Variants in CTNNA3 observed in about 807,000 individuals in gnomAD.
CTNNA3 encodes catenin alpha 3, also known as catenin alpha-3.
In CTNNA3, 76 loss-of-function variants were observed where a neutral mutation model predicts 95.7. The ratio of observed to expected loss-of-function variants is 0.79; its 90% CI spans 0.66 to 0.96. The LOEUF (loss-of-function observed/expected upper bound fraction) is 0.96, where lower values mean the gene tolerates loss of function less well. CTNNA3 is among the 40% of genes least tolerant of loss of function. CTNNA3 has a pLI of 0.00. For synonymous variants in CTNNA3, 431 were observed against 374.4 expected, an observed-to-expected ratio of 1.15 and a Z score of -1.74; for missense variants, 1,191 against 1,089.8, an observed-to-expected ratio of 1.09 and a Z score of -1.31.
intron 5 of CTNNA3, among the ~76,000 whole-genome samples, chr10:67,504,435 CAAAAA>C (rs60719599): frequency 6.2e-5 from 1 of 16,160 alleles, no homozygotes; most frequent in Non-Finnish European, 1.2e-4. Context: ...GACTCCATCT[CAAAAA>C]AAAAAAAAAA....
chr10:67,410,857 A>T (rs1258007162), intron 5 of CTNNA3, among the ~76,000 whole-genome samples: 3 of 152,134 alleles, frequency 2.0e-5, no homozygotes, highest in East Asian at 1.9e-4. Context: ...CACAGGGGGA[A>T]CCTGTTCAGC....
At position 67,006,673 on chromosome 10, in the gene CTNNA3, T is replaced by C. The variant is rs187649468; in HGVS notation, c.1047+173644A>G. ...TCATTTAAAACTTGAGTAATTATGATGCCATCAGCACACTATAAGATGTAA... is the reference window on the plus strand; with the variant it reads ...TCATTTAAAACTTGAGTAATTATGACGCCATCAGCACACTATAAGATGTAA... On this transcript the variant is annotated intron_variant, in intron 7 of 17. Transcript: ENST00000433211. Among the ~76,000 whole-genome samples the C allele has an allele frequency of 2.8e-3, 429 of 152,356 alleles. 1 individual carries two copies. Among genetic ancestry groups the C allele is most frequent in the Non-Finnish European group, 4.3e-3 (295 of 68,034 alleles).
intron 15 of CTNNA3, among the ~76,000 whole-genome samples, chr10:66,068,921 G>T (rs2080370622): frequency 6.6e-6 from 1 of 152,014 alleles, no homozygotes; most frequent in African/African-American, 2.4e-5. Context: ...TCCTGATTAT[G>T]CTATAAATCA....
intron 3 of CTNNA3, among the ~76,000 whole-genome samples, chr10:67,551,385 C>G (rs1030019518): frequency 1.3e-5 from 2 of 152,128 alleles, no homozygotes; most frequent in East Asian, 3.9e-4. Flanking sequence ...AAACCATCTC[C>G]TTTCTGTCTC....
chr10:67,244,322 A>T (rs1589078452), intron 5 of CTNNA3, among the ~76,000 whole-genome samples: 2 of 152,300 alleles, frequency 1.3e-5, no homozygotes, highest in Middle Eastern at 6.8e-3. Flanking sequence ...CTAATTTCTA[A>T]CACATTCCCC....
At chr10:66,884,529 A>G (rs1051326933) in intron 7 of CTNNA3, among the ~76,000 whole-genome samples, 1 of 152,104 alleles carries the variant, frequency 6.6e-6, no homozygotes, top group Non-Finnish European at 1.5e-5. Flanking sequence ...GCCAACAACC[A>G]TGTGAATGAG....
At chr10:65,990,562 T>A (rs1200158405) in intron 15 of CTNNA3, among the ~76,000 whole-genome samples, 2 of 151,814 alleles carry the variant, frequency 1.3e-5, no homozygotes. Flanking sequence ...TTTGCCCGCT[T>A]TTTGATGGGA....
At chr10:66,232,916 G>A (rs1205524037) in intron 13 of CTNNA3, among the ~76,000 whole-genome samples, 1 of 151,972 alleles carries the variant, frequency 6.6e-6, no homozygotes, top group East Asian at 1.9e-4. Flanking sequence ...CCAGCATTTT[G>A]GGAGGCCGAG....
intron 7 of CTNNA3, among the ~76,000 whole-genome samples, chr10:66,922,183 G>A (rs909408408): frequency 2.6e-5 from 4 of 152,210 alleles, no homozygotes; most frequent in African/African-American, 9.6e-5. Flanking sequence ...TAAGGCCCTG[G>A]ATGCATTGGG....
chr10:66,822,660 C>T (rs1254216502), intron 7 of CTNNA3, among the ~76,000 whole-genome samples: 1 of 152,154 alleles, frequency 6.6e-6, no homozygotes, highest in East Asian at 1.9e-4. Flanking sequence ...TCAGTCTTCA[C>T]TATTTTTAAC....
At position 65,917,491 on chromosome 10, in the gene CTNNA3, G is replaced by A. The variant is rs2077021989; in HGVS notation, c.*2839C>T. The A allele has an allele frequency of 2.0e-5, 3 of 150,220 alleles. No homozygotes were observed. Among genetic ancestry groups the A allele is most frequent in the African/African-American group, 7.4e-5 (3 of 40,752 alleles). 9.3% of individuals were successfully genotyped at this position (150,220 alleles called of 1,614,324 possible). ...TTTTTAAATTTTCATTCTAATTCCA[G>A]TCTAACATCTGGCAGGGATACTGGT... On this transcript the variant is annotated 3_prime_UTR_variant, in exon 18 of 18. Coordinates refer to ENST00000433211, the MANE Select transcript of CTNNA3 (RefSeq NM_013266.4).
chr10:66,393,398 C>T (rs775015358), intron 11 of CTNNA3, among the ~76,000 whole-genome samples: 24 of 152,010 alleles, frequency 1.6e-4, no homozygotes, highest in Non-Finnish European at 1.5e-4. Context: ...AGTATTGGTT[C>T]ATCAATAGTA....
At chr10:66,280,352 T>C in intron 13 of CTNNA3, 118 bp downstream of exon 13, 1 of 885,874 alleles carries the variant, frequency 1.1e-6, no homozygotes, top group Non-Finnish European at 1.7e-6. Flanking sequence ...TCTAAAGTTT[T>C]AATAGATTTC....
intron 10 of CTNNA3, among the ~76,000 whole-genome samples, chr10:66,564,319 T>C (rs1335103177): frequency 6.6e-6 from 1 of 152,074 alleles, no homozygotes; most frequent in Non-Finnish European, 1.5e-5. Context: ...CCAGGACCCA[T>C]AATGAGCAGA....
At chr10:66,930,185 T>C (rs959760194) in intron 7 of CTNNA3, among the ~76,000 whole-genome samples, 1 of 150,674 alleles carries the variant, frequency 6.6e-6, no homozygotes, top group African/African-American at 2.5e-5. Context: ...GAAAAAGAAA[T>C]AGTTAAAGTG....
chr10:67,097,775 C>A (rs2131934299), intron 7 of CTNNA3: 2 of 1,612,260 alleles, frequency 1.2e-6, no homozygotes, highest in East Asian at 2.2e-5. Context: ...GAATCAGTGA[C>A]CATAAACAGC....
At chr10:67,504,863 A>G (rs942963699) in intron 5 of CTNNA3, among the ~76,000 whole-genome samples, 2 of 152,222 alleles carry the variant, frequency 1.3e-5, no homozygotes, top group African/African-American at 2.4e-5. Context: ...AATTTAAAAT[A>G]AAGTTCAGGT....
intron 9 of CTNNA3, among the ~76,000 whole-genome samples, chr10:66,633,870 T>C (rs968401002): frequency 6.6e-6 from 1 of 152,106 alleles, no homozygotes; most frequent in Admixed American, 6.5e-5. Flanking sequence ...TTTCACTATA[T>C]TAACAGTGAA....
At chr10:67,228,472 G>C (rs1865032344) in intron 5 of CTNNA3, among the ~76,000 whole-genome samples, 1 of 152,118 alleles carries the variant, frequency 6.6e-6, no homozygotes, top group African/African-American at 2.4e-5. Context: ...AATTAGCAGG[G>C]CGTGGTGGCA....
Sources: allele counts gnomAD v4.1 joint callset (sites outside exome capture counted in the v4.1 genomes callset), GRCh38; gene constraint gnomAD v4.1.1; transcripts MANE v1.5; gene names NCBI Gene and HGNC (gene_info 2026-07-23, HGNC 2026-07-21).